UNC79: variants seen among roughly 807,000 people sequenced by gnomAD.
The protein encoded by UNC79 is protein unc-79 homolog.
A neutral mutation model predicts 283.1 loss-of-function variants in UNC79; 37 were observed. The observed-to-expected ratio is 0.13, with a 90% confidence interval of 0.10 to 0.17. The LOEUF is 0.17. Among genes scored for constraint, UNC79 ranks in the 10% least tolerant of loss-of-function variants. The pLI is 1.00. For missense variants in UNC79, 2,272 were observed against 3,211.1 expected (o/e 0.71, Z 7.07); for synonymous variants, 1,107 against 1,200.2 (o/e 0.92, Z 1.61).
chr14:93,498,620 G>A (rs2059140736), intron 7 of UNC79, among the ~76,000 whole-genome samples: 2 of 152,092 alleles, frequency 1.3e-5, no homozygotes, highest in East Asian at 3.9e-4. Context: ...GACCCCGATA[G>A]CCTGGTTGCT....
intron 14 of UNC79, among the ~76,000 whole-genome samples, chr14:93,562,081 T>G (rs1326752993): frequency 6.6e-6 from 1 of 151,992 alleles, no homozygotes; most frequent in African/African-American, 2.4e-5. Flanking sequence ...TAGTGGGGAG[T>G]ACTTGCGACT....
In UNC79 at chr14:93,621,736, T is replaced by A; in HGVS notation, c.4503T>A (p.Ser1501=). ...AGCTACGCTCTTTCAAACAAAAATC[T>A]CTTGATATAGGGAATGCAGACTCGC... The change falls in exon 30 of 49, where the codon TCT becomes TCA. Residue 1501 remains serine (S), a synonymous_variant. Transcript: ENST00000555664. The surrounding 1 kb of genome is among the most constrained non-coding windows in gnomAD (Gnocchi z 4.8). The A allele has an allele frequency of 6.2e-7, 1 of 1,613,986 alleles. No individual in the cohort carries two copies. Among genetic ancestry groups the A allele is most frequent in the Non-Finnish European group, 8.5e-7 (1 of 1,179,982 alleles).
intron 1 of UNC79, among the ~76,000 whole-genome samples, chr14:93,383,609 ACT>A (rs928240656): frequency 1.3e-5 from 2 of 152,128 alleles, no homozygotes; most frequent in African/African-American, 4.8e-5. Flanking sequence ...AGCAAGGTGT[ACT>A]CTCTGCTGGT....
chr14:93,428,207 A>G (rs928526799), upstream of UNC79, among the ~76,000 whole-genome samples: 9 of 152,218 alleles, frequency 5.9e-5, no homozygotes, highest in Non-Finnish European at 1.0e-4. Flanking sequence ...ATTCAGTAAG[A>G]TGATAGGCAC....
At chr14:93,486,262 G>C (rs2058425149) in intron 4 of UNC79, among the ~76,000 whole-genome samples, 2 of 152,074 alleles carry the variant, frequency 1.3e-5, no homozygotes, top group African/African-American at 4.8e-5. Context: ...TTCTACTTCT[G>C]CAATTTTCCC....
At chr14:93,646,794 G>A (rs545937548) in intron 35 of UNC79, 148 bp downstream of exon 38, 8 of 728,930 alleles carry the variant, frequency 1.1e-5, no homozygotes, top group African/African-American at 5.3e-5. Flanking sequence ...AGGATCACTC[G>A]AGCCCGGGAG....
Position 93,639,779 on chromosome 14 carries a change from C to A in UNC79, c.5801-1366C>A, listed in dbSNP as rs541690297. ...AAAGGCTCAACACTATTTTTTCTTC[C>A]GAAAATTCAGATTGAAACACATTGC... On this transcript the variant is annotated intron_variant, in intron 32 of 48. Transcript: ENST00000555664. Among the ~76,000 whole-genome samples the A allele has an allele frequency of 1.4e-3, 215 of 152,224 alleles. 2 individuals are homozygous for A. The highest frequency in any genetic ancestry group is 4.8e-3 in the African/African-American group (201 of 41,554).
At chr14:93,605,420 G>T (rs191041011) in intron 26 of UNC79, among the ~76,000 whole-genome samples, 35 of 152,240 alleles carry the variant, frequency 2.3e-4, no homozygotes, top group East Asian at 1.5e-3. Context: ...ATGCATTTCT[G>T]TTTCTCAGAG....
intron 1 of UNC79, among the ~76,000 whole-genome samples, chr14:93,383,339 G>A (rs1293204806): frequency 6.6e-6 from 1 of 152,144 alleles, no homozygotes; most frequent in African/African-American, 2.4e-5. Context: ...GGGAAGACAA[G>A]TAGAAAAAAT....
Position 93,547,074 on chromosome 14 carries a change from TTTG to T in UNC79, c.1755+4384_1755+4386del, listed in dbSNP as rs143340437. Among the ~76,000 whole-genome samples, 1,484 of 152,310 alleles carry T rather than the reference TTTG, an allele frequency of 9.7e-3. 23 individuals carry two copies. Among genetic ancestry groups the T allele is most frequent in the African/African-American group, 0.034 (1,417 of 41,550 alleles). On this transcript the variant is annotated intron_variant, in intron 14 of 48. Transcript: ENST00000555664. ...ACTGTGACACAGTTGACAAGGCAGT[TTTG>T]TTGTTTCTGTAGCATGAAACATTAA...
chr14:93,431,114 G>T (rs992640969), intron 1 of UNC79, 63 bp downstream of exon 1: 1 of 655,046 alleles, frequency 1.5e-6, no homozygotes, highest in African/African-American at 1.8e-5. Context: ...CAGCTGCGGC[G>T]TTTGCGGCTG....
At chr14:93,425,992 A>G (rs965567610), upstream of UNC79, among the ~76,000 whole-genome samples, 9 of 152,168 alleles carry the variant, frequency 5.9e-5, no homozygotes, top group South Asian at 6.2e-4. Flanking sequence ...ACTATTTCCT[A>G]TAGTGCAAGT....
At chr14:93,595,628 C>T (rs1345565946) in intron 23 of UNC79, among the ~76,000 whole-genome samples, 3 of 152,106 alleles carry the variant, frequency 2.0e-5, no homozygotes, top group Non-Finnish European at 4.4e-5. Flanking sequence ...CCTTTAAGGC[C>T]CTACACAAAT....
At chr14:93,456,624 T>C (rs1284403075) in intron 1 of UNC79, among the ~76,000 whole-genome samples, 1 of 152,190 alleles carries the variant, frequency 6.6e-6, no homozygotes, top group Non-Finnish European at 1.5e-5. Context: ...AGGTCCTTCT[T>C]AGGGATGTTC....
chr14:93,554,830 T>G (rs1217893075), intron 14 of UNC79, among the ~76,000 whole-genome samples: 2 of 152,262 alleles, frequency 1.3e-5, no homozygotes, highest in Non-Finnish European at 2.9e-5. Context: ...AGTTTGTCTT[T>G]TAAAAACTAC....
chr14:93,410,988 G>T (rs186005904), intron 1 of UNC79, among the ~76,000 whole-genome samples: 2 of 152,220 alleles, frequency 1.3e-5, no homozygotes, highest in East Asian at 3.9e-4. Context: ...CAGGGGAATA[G>T]AGCACCAAGC....
At chr14:93,705,006 G>A (rs572668610) in intron 48 of UNC79, among the ~76,000 whole-genome samples, 7 of 152,228 alleles carry the variant, frequency 4.6e-5, no homozygotes, top group African/African-American at 1.7e-4. Context: ...AGGCCATTGT[G>A]GGAGGTTTGC....
chr14:93,637,136 G>A, intron 31 of UNC79, 80 bp from the exon 35 acceptor site: 1 of 817,478 alleles, frequency 1.2e-6, no homozygotes, highest in African/African-American at 1.7e-5. Flanking sequence ...GGCCCCCAGA[G>A]ATGATTGGTT....
intron 28 of UNC79, among the ~76,000 whole-genome samples, 175 bp from the exon 30 acceptor site, chr14:93,618,017 C>T (rs2066856658): frequency 6.6e-6 from 1 of 152,172 alleles, no homozygotes; most frequent in South Asian, 2.1e-4. Context: ...GAGACCCTGT[C>T]TCTAACTAAA....
Sources: gnomAD v4.1 joint callset for allele counts (sites outside exome capture counted in the v4.1 genomes callset) on GRCh38, gnomAD v4.1.1 for gene constraint, Gnocchi (gnomAD v3.1) non-coding constraint, MANE v1.5 for transcripts, NCBI Gene and HGNC (gene_info 2026-07-23, HGNC 2026-07-21) for gene names.